AP3M2: variants seen among roughly 807,000 people sequenced by gnomAD.
AP3M2 encodes the protein AP-3 complex subunit mu-2.
In AP3M2, 28 loss-of-function variants were observed where a neutral mutation model predicts 41.6. The observed-to-expected ratio is 0.67, with a 90% CI of 0.50 to 0.92. The LOEUF is 0.92. Ranked by LOEUF, AP3M2 falls within the 40% of genes least tolerant of loss-of-function variation. The pLI, the probability that AP3M2 is intolerant of heterozygous loss-of-function variation, is 0.00. For synonymous variants in AP3M2, 193 were observed against 186.4 expected, an observed-to-expected ratio of 1.04 and a Z score of -0.29; for missense variants, 427 against 521.4, an observed-to-expected ratio of 0.82 and a Z score of 1.76.
At chr8:42,155,751 G>C in intron 2 of AP3M2, 1 of 229,116 alleles carries the variant, frequency 4.4e-6, no homozygotes, top group South Asian at 4.7e-5. Context: ...TGAGAAGCGA[G>C]GGCCTTTTGG....
In AP3M2 at chr8:42,165,476, A is replaced by G. The variant is rs1804614559; in HGVS notation, c.719A>G (p.Lys240Arg). The G allele has an allele frequency of 6.2e-7, 1 of 1,614,210 alleles. No homozygotes were observed. Among genetic ancestry groups the G allele is most frequent in the Non-Finnish European group, 8.5e-7 (1 of 1,180,028 alleles). Residue 240 changes from lysine (K) to arginine (R), a missense_variant, in exon 6 of 9, where the codon AAA becomes AGA. Transcript: ENST00000396926. ...AGCTTCCATCCTTGTGTTCGTTTCAAACGCTGGGAATCTGAGCGCATCCTC... is the reference window on the plus strand; with the variant it reads ...AGCTTCCATCCTTGTGTTCGTTTCAGACGCTGGGAATCTGAGCGCATCCTC... ...DVSFHPCVRFKRWESERILSF... is the reference protein window; with the variant it reads ...DVSFHPCVRFRRWESERILSF...
chr8:42,159,228 G>T (rs180785677), intron 3 of AP3M2, among the ~76,000 whole-genome samples: 1 of 152,114 alleles, frequency 6.6e-6, no homozygotes, highest in Non-Finnish European at 1.5e-5. Flanking sequence ...TTGAACCTTG[G>T]TGCACATCTG....
At position 42,167,560 on chromosome 8, in the gene AP3M2, G is replaced by A. The variant is rs571118411; in HGVS notation, c.1012-106G>A. The A allele has an allele frequency of 4.9e-5, 70 of 1,442,520 alleles. 1 individual carries two copies. The East Asian group carries it at 7.3e-4, about 15-fold the overall frequency. 89.4% of individuals were successfully genotyped at this position (1,442,520 alleles called of 1,614,324 possible). A position where few individuals can be genotyped will look rare whatever the true frequency, so the allele number is the denominator to read the frequency against. On this transcript the variant is annotated intron_variant, in intron 7 of 8. Transcript: ENST00000396926. ...AAGATACCCAGAGGCAGCTTATAAT[G>A]TTGTGGACAGGTGCCCTGAGTTTAG...
chr8:42,167,512 T>TA, intron 7 of AP3M2, 141 bp downstream of exon 7: 1 of 1,354,990 alleles, frequency 7.4e-7, no homozygotes, highest in Non-Finnish European at 1.0e-6. Flanking sequence ...AACTTAACAG[T>TA]AACACGTAGG....
In AP3M2 at chr8:42,167,372, G is replaced by T; in HGVS notation, c.1011+1G>T. ...ACACACATTCGACCCAGTCACAAAGGTAGGGATGAGCAGGACATCTTGAAT... is the reference window on the plus strand; with the variant it reads ...ACACACATTCGACCCAGTCACAAAGTTAGGGATGAGCAGGACATCTTGAAT... On this transcript the variant is annotated splice_donor_variant, in intron 7 of 8. Transcript: ENST00000396926. LOFTEE classifies it high-confidence loss of function. 2 of 1,613,660 alleles carry T rather than the reference G, an allele frequency of 1.2e-6. No individual in the cohort carries two copies. Among genetic ancestry groups the T allele is most frequent in the Non-Finnish European group, 1.7e-6 (2 of 1,179,584 alleles).
chr8:42,163,737 T>C (rs183073847), intron 4 of AP3M2, among the ~76,000 whole-genome samples: 9 of 152,336 alleles, frequency 5.9e-5, no homozygotes, highest in Admixed American at 3.3e-4. Context: ...GTGAATTACC[T>C]GGGATGGGTA....
chr8:42,158,436 A>T (rs145593061), intron 3 of AP3M2, among the ~76,000 whole-genome samples: 2 of 151,614 alleles, frequency 1.3e-5, no homozygotes, highest in Non-Finnish European at 2.9e-5. Flanking sequence ...TTTAGTAGAG[A>T]TGGTGTTTCA....
intron 1 of AP3M2, 61 bp from the exon 2 acceptor site, chr8:42,154,555 G>T (rs564505584): frequency 5.5e-4 from 738 of 1,345,988 alleles, no homozygotes; most frequent in Non-Finnish European, 6.8e-4. Flanking sequence ...TGGACTGTTG[G>T]GAAAAGATGG....
Position 42,155,614 on chromosome 8 carries a change from T to C in AP3M2, c.273+654T>C, listed in dbSNP as rs117857971. 2.6e-3 allele frequency: 419 copies of C among 160,582 alleles called. 3 individuals carry two copies. Among genetic ancestry groups the C allele is most frequent in the Non-Finnish European group, 3.7e-3 (271 of 73,250 alleles). The allele number at this position is 160,582 out of a possible 1,614,324, so 9.9% of individuals were successfully genotyped here. On this transcript the variant is annotated intron_variant, in intron 2 of 8. Coordinates refer to ENST00000396926, the MANE Select transcript of AP3M2 (RefSeq NM_006803.4). ...GGTGATGTCCAAGGGAGGTCAGTGA[T>C]ACCAGGACACGACACCATTTGCAGC...
chr8:42,162,243 A>AAAATGGTGTT, intron 3 of AP3M2, 38 bp from the exon 4 acceptor site: 1 of 1,578,848 alleles, frequency 6.3e-7, no homozygotes, highest in Non-Finnish European at 8.6e-7. Flanking sequence ...TTCTAGAGTC[A>AAAATGGTGTT]AAATGGTGTT....
At chr8:42,154,059 T>G (rs937728750) in intron 1 of AP3M2, 5 of 152,214 alleles carry the variant, frequency 3.3e-5, no homozygotes, top group Admixed American at 6.5e-5. Context: ...CAATATTAAA[T>G]TATTGGTAAG....
intron 7 of AP3M2, 62 bp downstream of exon 7, chr8:42,167,433 CTG>C: frequency 6.4e-7 from 1 of 1,574,406 alleles, no homozygotes; most frequent in South Asian, 1.1e-5. Context: ...TGCAGGTTCT[CTG>C]TGTAGACTCT....
At chr8:42,167,493 C>T in intron 7 of AP3M2, 122 bp downstream of exon 7, 1 of 1,382,330 alleles carries the variant, frequency 7.2e-7, no homozygotes, top group Non-Finnish European at 9.9e-7. Context: ...TTGTTTTCTC[C>T]TGCCAGGTAA....
At chr8:42,157,880 T>A in intron 2 of AP3M2, 61 bp from the exon 3 acceptor site, 1 of 1,451,950 alleles carries the variant, frequency 6.9e-7, no homozygotes, top group Non-Finnish European at 9.4e-7. Flanking sequence ...GCACATTCTT[T>A]TATTTATTTA....
Position 42,169,128 on chromosome 8 carries a change from A to T in AP3M2, c.*67A>T. 1.5e-6 allele frequency: 2 copies of T among 1,372,538 alleles called. No individual in the cohort carries two copies. Among genetic ancestry groups the T allele is most frequent in the South Asian group, 2.6e-5 (2 of 77,496 alleles). The allele number at this position is 1,372,538 out of a possible 1,614,324, so 85.0% of individuals were successfully genotyped here. On this transcript the variant is annotated 3_prime_UTR_variant, in exon 9 of 9. Transcript: ENST00000396926. ...TTTCTTACTTGTCTAAAAGTAAAAA[A>T]AAATATCAGCCTGTCTCCTAGGTCA...
intron 3 of AP3M2, among the ~76,000 whole-genome samples, chr8:42,161,328 T>C (rs1417432287): frequency 2.0e-5 from 3 of 151,852 alleles, no homozygotes; most frequent in African/African-American, 7.3e-5. Flanking sequence ...AAAAATTTTT[T>C]AGGTGGGCAT....
chr8:42,157,747 T>C (rs767034667), intron 2 of AP3M2, among the ~76,000 whole-genome samples, 194 bp from the exon 3 acceptor site: 3 of 152,220 alleles, frequency 2.0e-5, no homozygotes, highest in Non-Finnish European at 4.4e-5. Context: ...AGTAGTACCA[T>C]AAGCCAGTCT....
chr8:42,159,868 A>G (rs1804458011), intron 3 of AP3M2, among the ~76,000 whole-genome samples: 1 of 152,258 alleles, frequency 6.6e-6, no homozygotes, highest in Admixed American at 6.5e-5. Context: ...GAAAAGAATT[A>G]CAAAGGGGTT....
chr8:42,156,961 AAAAG>A (rs913156615), intron 2 of AP3M2, among the ~76,000 whole-genome samples: 4 of 152,230 alleles, frequency 2.6e-5, no homozygotes, highest in Non-Finnish European at 5.9e-5. Flanking sequence ...TCAGTTTAGC[AAAAG>A]AAAGAACTTT....
Sources: gnomAD v4.1 joint callset for allele counts (sites outside exome capture counted in the v4.1 genomes callset) on GRCh38, gnomAD v4.1.1 for gene constraint, MANE v1.5 for transcripts, NCBI Gene and HGNC (gene_info 2026-07-23, HGNC 2026-07-21) for gene names.